Variants in PIP4P2 observed in about 807,000 individuals in gnomAD.
PIP4P2 encodes the protein phosphatidylinositol-4,5-bisphosphate 4-phosphatase 2, also known as type 2 phosphatidylinositol 4,5-bisphosphate 4-phosphatase.
In PIP4P2, 19 loss-of-function variants were observed where a neutral mutation model predicts 33.3. The ratio of observed to expected loss-of-function variants is 0.57; its 90% CI spans 0.40 to 0.84. The LOEUF is 0.84. Among genes scored for constraint, PIP4P2 ranks in the 40% least tolerant of loss-of-function variants. The pLI is 0.00. For synonymous variants in PIP4P2, 110 were observed against 111.9 expected (o/e 0.98, Z 0.11); for missense variants, 270 against 324.7 (o/e 0.83, Z 1.29).
intron 6 of PIP4P2, 36 bp from the exon 7 acceptor site, chr8:90,995,856 A>C: frequency 6.4e-7 from 1 of 1,564,118 alleles, no homozygotes; most frequent in Non-Finnish European, 8.6e-7. Flanking sequence ...AAAATATTAG[A>C]AACTTTAAAA....
At chr8:91,036,834 T>A (rs1347629313) in intron 1 of PIP4P2, among the ~76,000 whole-genome samples, 1 of 152,158 alleles carries the variant, frequency 6.6e-6, no homozygotes, top group Non-Finnish European at 1.5e-5. Flanking sequence ...TGGCCACATG[T>A]GGTTGTAGTA....
chr8:91,016,184 A>G, intron 4 of PIP4P2, among the ~76,000 whole-genome samples: 1 of 152,236 alleles, frequency 6.6e-6, no homozygotes, highest in East Asian at 1.9e-4. Flanking sequence ...AAAAAATCGG[A>G]GACAAACAAA....
At chr8:91,034,872 C>G (rs1429169125) in intron 1 of PIP4P2, among the ~76,000 whole-genome samples, 1 of 152,164 alleles carries the variant, frequency 6.6e-6, no homozygotes, top group Non-Finnish European at 1.5e-5. Context: ...AAAATGTATT[C>G]AATCTCTTTA....
At chr8:90,999,031 A>G (rs529002382) in intron 5 of PIP4P2, among the ~76,000 whole-genome samples, 1 of 152,126 alleles carries the variant, frequency 6.6e-6, no homozygotes, top group Non-Finnish European at 1.5e-5. Context: ...GCATCTGACA[A>G]AGGTCTAACA....
At chr8:91,035,722 G>A (rs1363511406) in intron 1 of PIP4P2, among the ~76,000 whole-genome samples, 3 of 152,150 alleles carry the variant, frequency 2.0e-5, no homozygotes, top group Non-Finnish European at 2.9e-5. Flanking sequence ...ATATGTGTAT[G>A]ACATCTTAGA....
chr8:91,020,746 G>T (rs1196536389), intron 2 of PIP4P2, among the ~76,000 whole-genome samples: 1 of 152,066 alleles, frequency 6.6e-6, no homozygotes, highest in Non-Finnish European at 1.5e-5. Context: ...CAACTAAATT[G>T]AATAAAATGT....
chr8:91,027,362 C>A (rs1202948536), intron 1 of PIP4P2, among the ~76,000 whole-genome samples: 3 of 152,184 alleles, frequency 2.0e-5, no homozygotes, highest in Non-Finnish European at 4.4e-5. Flanking sequence ...CTAAGCCTTC[C>A]CTTGCTGGAA....
chr8:91,001,733 T>A (rs1811702531), intron 5 of PIP4P2, among the ~76,000 whole-genome samples: 2 of 152,118 alleles, frequency 1.3e-5, no homozygotes, highest in African/African-American at 4.8e-5. Context: ...CTGTTTGTTG[T>A]CAATGTTGAT....
chr8:91,021,088 G>A (rs1292242114), intron 2 of PIP4P2, among the ~76,000 whole-genome samples, 168 bp downstream of exon 2: 1 of 152,212 alleles, frequency 6.6e-6, no homozygotes, highest in African/African-American at 2.4e-5. Context: ...TTTAAACACA[G>A]TGAGGTATCC....
intron 4 of PIP4P2, among the ~76,000 whole-genome samples, chr8:91,009,727 A>G (rs1190417743): frequency 6.6e-6 from 1 of 151,950 alleles, no homozygotes; most frequent in East Asian, 1.9e-4. Context: ...TCCACACAAT[A>G]GAAGATACCT....
chr8:91,026,634 G>A (rs1812087439), intron 1 of PIP4P2, among the ~76,000 whole-genome samples: 1 of 151,938 alleles, frequency 6.6e-6, no homozygotes, highest in Non-Finnish European at 1.5e-5. Flanking sequence ...CTTTATACTT[G>A]GTTAATGATT....
At chr8:91,030,869 G>A (rs546296493) in intron 1 of PIP4P2, among the ~76,000 whole-genome samples, 1 of 151,992 alleles carries the variant, frequency 6.6e-6, no homozygotes, top group South Asian at 2.1e-4. Context: ...CCAGCATCAT[G>A]TTGTTTCATT....
At chr8:91,014,353 T>A (rs1238913331) in intron 4 of PIP4P2, among the ~76,000 whole-genome samples, 3 of 152,124 alleles carry the variant, frequency 2.0e-5, no homozygotes, top group Non-Finnish European at 1.5e-5. Context: ...CAAATCTCCA[T>A]CGACAGATGA....
chr8:90,999,049 T>A (rs763754945), intron 5 of PIP4P2, among the ~76,000 whole-genome samples: 3 of 151,850 alleles, frequency 2.0e-5, no homozygotes, highest in Non-Finnish European at 4.4e-5. Context: ...ACATCCAGCA[T>A]CTATAAGAAC....
At chr8:91,037,106 T>C (rs1381124583) in intron 1 of PIP4P2, among the ~76,000 whole-genome samples, 1 of 152,210 alleles carries the variant, frequency 6.6e-6, no homozygotes, top group Non-Finnish European at 1.5e-5. Context: ...CAGCATATTT[T>C]CTACCTTATT....
intron 5 of PIP4P2, among the ~76,000 whole-genome samples, chr8:91,004,897 A>T (rs1811747126): frequency 6.6e-6 from 1 of 152,184 alleles, no homozygotes; most frequent in Non-Finnish European, 1.5e-5. Flanking sequence ...ATCTGGAGAT[A>T]GCTGTTTTGG....
intron 1 of PIP4P2, among the ~76,000 whole-genome samples, chr8:91,023,018 A>G (rs550024621): frequency 6.6e-6 from 1 of 152,254 alleles, no homozygotes; most frequent in Admixed American, 6.5e-5. Context: ...GTGACCTGTA[A>G]TGTATTAATC....
At position 91,040,757 on chromosome 8, in the gene PIP4P2, GC is replaced by G; in HGVS notation, c.-9del. The G allele has an allele frequency of 6.2e-7, 1 of 1,611,220 alleles. No individual in the cohort carries two copies. Among genetic ancestry groups the G allele is most frequent in the Non-Finnish European group, 8.5e-7 (1 of 1,179,772 alleles). On this transcript the variant is annotated 5_prime_UTR_variant, in exon 1 of 7. Transcript: ENST00000285419. ...CACCCCATCAGCAGCCATGACTGCG[GC>G]AGCGGCGGGGCCTGGGGAGGCCGAG...
chr8:91,040,789 G>C lies in PIP4P2; in HGVS notation c.-40C>G, dbSNP rs760257454. The C allele has an allele frequency of 6.3e-7, 1 of 1,593,952 alleles. No homozygotes were observed. The highest frequency in any genetic ancestry group is 8.6e-7 in the Non-Finnish European group (1 of 1,167,002). ...CGGGGCCTGGGGAGGCCGAGCCGGG[G>C]TTGCGGCCTCGGCGGAGTGGTGGCT... On this transcript the variant is annotated 5_prime_UTR_variant, in exon 1 of 7. Coordinates refer to ENST00000285419, the MANE Select transcript of PIP4P2 (RefSeq NM_018710.3).
Sources: gnomAD v4.1 joint callset for allele counts (sites outside exome capture counted in the v4.1 genomes callset) on GRCh38, gnomAD v4.1.1 for gene constraint, MANE v1.5 for transcripts, NCBI Gene and HGNC (gene_info 2026-07-23, HGNC 2026-07-21) for gene names.